TTC3: variants seen among roughly 807,000 people sequenced by gnomAD.
TTC3 encodes E3 ubiquitin-protein ligase TTC3.
TTC3 carries 180 observed loss-of-function variants against 249.6 expected under a neutral mutation model. That is an observed-to-expected ratio of 0.72 (90% CI 0.64 to 0.82). The LOEUF (loss-of-function observed/expected upper bound fraction) is 0.82, where lower values mean the gene tolerates loss of function less well. TTC3 is among the 40% of genes least tolerant of loss of function. The probability of loss-of-function intolerance (pLI) is 0.00; values close to 1 mark genes in which losing one functional copy is unlikely to be tolerated. For missense variants in TTC3, 2,061 were observed against 2,398.4 expected (o/e 0.86, Z 2.94); for synonymous variants, 717 against 805.0 (o/e 0.89, Z 1.85).
exon 33 of TTC3, chr21:37,165,978 A>G: frequency 6.2e-7 from 1 of 1,614,216 alleles, no homozygotes; most frequent in Non-Finnish European, 8.5e-7. Flanking sequence ...GTGAAGGCCA[A>G]ACCAGTATCC....
At chr21:37,156,996 A>G (rs1183758213) in intron 28 of TTC3, 90 bp downstream of exon 28, 1 of 1,472,796 alleles carries the variant, frequency 6.8e-7, no homozygotes, top group East Asian at 2.3e-5. Flanking sequence ...TATATAACAA[A>G]GAAAATAGTG....
intron 18 of TTC3, among the ~76,000 whole-genome samples, chr21:37,136,212 C>T (rs185755676): frequency 3.9e-5 from 6 of 152,266 alleles, no homozygotes; most frequent in Admixed American, 1.3e-4. Flanking sequence ...AATGACCCTA[C>T]AATGGCCTCT....
At chr21:37,142,058 A>G (rs1449045351) in intron 20 of TTC3, among the ~76,000 whole-genome samples, 1 of 152,244 alleles carries the variant, frequency 6.6e-6, no homozygotes, top group Non-Finnish European at 1.5e-5. Context: ...ACAGCCCTTC[A>G]TGCTAAAACT....
chr21:37,190,395 A>G (rs1381795505), intron 39 of TTC3, among the ~76,000 whole-genome samples: 1 of 151,938 alleles, frequency 6.6e-6, no homozygotes, highest in African/African-American at 2.4e-5. Context: ...AGGCCTCCCA[A>G]AGTGCTGGGA....
At chr21:37,132,820 G>C in intron 17 of TTC3, 54 bp downstream of exon 17, 1 of 1,373,574 alleles carries the variant, frequency 7.3e-7, no homozygotes, top group Non-Finnish European at 1.0e-6. Flanking sequence ...ACAAAACATT[G>C]TTCACATGAA....
intron 11 of TTC3, among the ~76,000 whole-genome samples, chr21:37,117,172 C>T (rs2076209306): frequency 6.6e-6 from 1 of 152,138 alleles, no homozygotes; most frequent in South Asian, 2.1e-4. Context: ...GCTTTTCCCC[C>T]AAATTGTGAT....
chr21:37,122,437 T>TATTA (rs913030475), intron 12 of TTC3, among the ~76,000 whole-genome samples: 9 of 28,550 alleles, frequency 3.2e-4, no homozygotes, highest in South Asian at 7.1e-4. Flanking sequence ...TATATATATA[T>TATTA]TATATATATA....
intron 27 of TTC3, among the ~76,000 whole-genome samples, chr21:37,155,066 A>G (rs1223679252): frequency 6.6e-6 from 1 of 152,226 alleles, no homozygotes; most frequent in African/African-American, 2.4e-5. Flanking sequence ...TATTTAAAGT[A>G]GCAATTTTTA....
At chr21:37,160,967 GA>G in intron 30 of TTC3, 109 bp downstream of exon 30, 1 of 1,122,452 alleles carries the variant, frequency 8.9e-7, no homozygotes, top group Non-Finnish European at 1.2e-6. Flanking sequence ...CATTTGTAGA[GA>G]AAGACTTTCT....
At chr21:37,141,632 G>A (rs1353938667) in intron 20 of TTC3, among the ~76,000 whole-genome samples, 2 of 152,184 alleles carry the variant, frequency 1.3e-5, no homozygotes, top group Middle Eastern at 3.4e-3. Flanking sequence ...GCTGGGTGTG[G>A]TGGTGCGTGC....
intron 35 of TTC3, among the ~76,000 whole-genome samples, chr21:37,179,058 G>A (rs1286553879): frequency 1.3e-5 from 2 of 152,124 alleles, no homozygotes. Context: ...GATTGCTTGA[G>A]CCCAGTAGTT....
chr21:37,176,151 G>T (rs2082268880), intron 35 of TTC3, among the ~76,000 whole-genome samples: 5 of 152,132 alleles, frequency 3.3e-5, no homozygotes, highest in Admixed American at 3.3e-4. Flanking sequence ...CCTATGACTG[G>T]CAGGTTATAA....
At chr21:37,081,257 A>G (rs1386480600) in intron 1 of TTC3, among the ~76,000 whole-genome samples, 1 of 151,612 alleles carries the variant, frequency 6.6e-6, no homozygotes, top group Non-Finnish European at 1.5e-5. Context: ...AGCTGGGACT[A>G]CAGGCACCTG....
At chr21:37,090,076 A>C (rs2073051170) in intron 5 of TTC3, among the ~76,000 whole-genome samples, 157 bp from the exon 6 acceptor site, 1 of 152,178 alleles carries the variant, frequency 6.6e-6, no homozygotes, top group South Asian at 2.1e-4. Context: ...TCTTGTCTTA[A>C]GATCTTAAGG....
At chr21:37,083,233 G>C (rs1196694915) in intron 1 of TTC3, 28 of 985,268 alleles carry the variant, frequency 2.8e-5, no homozygotes, top group Non-Finnish European at 3.4e-5. Flanking sequence ...CAAGCAGTTG[G>C]GTATGACTGG....
intron 20 of TTC3, among the ~76,000 whole-genome samples, chr21:37,142,408 G>A (rs2078565996): frequency 6.6e-6 from 1 of 152,138 alleles, no homozygotes; most frequent in Non-Finnish European, 1.5e-5. Context: ...CAAAGTCCCA[G>A]GATACAAAAT....
At chr21:37,180,929 AAAG>A (rs2082705348) in intron 35 of TTC3, among the ~76,000 whole-genome samples, 1 of 152,186 alleles carries the variant, frequency 6.6e-6, no homozygotes, top group Non-Finnish European at 1.5e-5. Context: ...GTTTAATAAA[AAAG>A]ATAAGTTTTT....
rs114387245 is a variant in TTC3 at position 37,087,702 on chromosome 21, T to A, written c.145-131T>A. 502 of 794,506 alleles carry A rather than the reference T, an allele frequency of 6.3e-4. 1 individual carries two copies. In the African/African-American group the frequency reaches 8.2e-3, roughly 13 times the overall value. The allele number at this position is 794,506 out of a possible 1,614,324, so 49.2% of individuals were successfully genotyped here. ...AAACGGGTCTCAAATTAAGACTCTTTGGCTGAAGATGTGTTTGAAGCATAT... is the reference window on the plus strand; with the variant it reads ...AAACGGGTCTCAAATTAAGACTCTTAGGCTGAAGATGTGTTTGAAGCATAT... On this transcript the variant is annotated intron_variant, in intron 2 of 45. Coordinates refer to ENST00000355666, the Ensembl canonical transcript of TTC3.
intron 41 of TTC3, among the ~76,000 whole-genome samples, chr21:37,194,276 TC>T (rs761396313): frequency 1.1e-4 from 16 of 152,146 alleles, no homozygotes; most frequent in Non-Finnish European, 2.1e-4. Flanking sequence ...AATGGAAAAT[TC>T]CAGAAATACA....
Sources: allele counts gnomAD v4.1 joint callset (sites outside exome capture counted in the v4.1 genomes callset), GRCh38; gene constraint gnomAD v4.1.1; transcripts MANE v1.5; gene names NCBI Gene and HGNC (gene_info 2026-07-23, HGNC 2026-07-21).